Variants in PRR14L observed in about 807,000 individuals in gnomAD.
PRR14L encodes protein PRR14L.
PRR14L carries 80 observed loss-of-function variants against 155.0 expected under a neutral mutation model. That is an observed-to-expected ratio of 0.52 (90% CI 0.43 to 0.62). The LOEUF is 0.62. Ranked by LOEUF, PRR14L falls within the 20% of genes least tolerant of loss-of-function variation. The pLI is 0.00. For synonymous variants in PRR14L, 883 were observed against 916.0 expected (o/e 0.96, Z 0.65); for missense variants, 2,469 against 2,548.0 (o/e 0.97, Z 0.67).
intron 7 of PRR14L, 43 bp from the exon 8 acceptor site, chr22:31,688,270 CTTTT>C (rs371441167): frequency 1.5e-6 from 2 of 1,345,878 alleles, no homozygotes; most frequent in Admixed American, 2.7e-5. Flanking sequence ...TTCTCTCTCT[CTTTT>C]TTTTTTCAGA....
chr22:31,725,684 T>C, intron 2 of PRR14L, 74 bp from the exon 3 acceptor site: 1 of 939,668 alleles, frequency 1.1e-6, no homozygotes, highest in Non-Finnish European at 1.6e-6. Flanking sequence ...ATTATTATTA[T>C]TTTTTGAGAC....
At chr22:31,734,666 C>T (rs1004426400) in intron 2 of PRR14L, among the ~76,000 whole-genome samples, 2 of 152,210 alleles carry the variant, frequency 1.3e-5, no homozygotes, top group Non-Finnish European at 2.9e-5. Flanking sequence ...GCTTCTCTCA[C>T]GTCTCTTGAC....
intron 3 of PRR14L, among the ~76,000 whole-genome samples, chr22:31,719,664 G>C (rs131228): frequency 0.1 from 15,824 of 151,792 alleles, 1,056 homozygotes; most frequent in African/African-American, 0.18. Flanking sequence ...TAGGTCCTGA[G>C]AGCAGCAATT....
rs1285063026 is a variant in PRR14L, at chr22:31,685,664, C to G, written c.6319G>C (p.Val2107Leu). 20 of 1,551,740 alleles carry G rather than the reference C, an allele frequency of 1.3e-5. No individual in the cohort carries two copies. In the East Asian group the frequency reaches 4.9e-4, roughly 38 times the overall value. Residue 2107 changes from valine (V) to leucine (L), a missense_variant, in exon 9 of 9, where the codon GTG becomes CTG. Transcript: ENST00000327423. Reference protein sequence around the residue: ...RKRRARGKVKVAGSFTRAQKA... With the variant: ...RKRRARGKVKLAGSFTRAQKA... ...TGGGCCCTGGTAAAGCTGCCTGCCA[C>G]CTTGACTTTGCCTCGAGCTCTCCTC...
chr22:31,746,461 T>C (rs1440302685), intron 1 of PRR14L, among the ~76,000 whole-genome samples: 6 of 152,204 alleles, frequency 3.9e-5, no homozygotes, highest in East Asian at 1.9e-4. Flanking sequence ...TTATAAAATG[T>C]AGACAGGGAT....
chr22:31,710,343 T>G (rs2074614185), intron 4 of PRR14L, among the ~76,000 whole-genome samples: 1 of 152,238 alleles, frequency 6.6e-6, no homozygotes, highest in Non-Finnish European at 1.5e-5. Flanking sequence ...TTTTATTTGA[T>G]GTCTAATTTG....
chr22:31,747,693 G>A (rs2074846741), intron 1 of PRR14L, among the ~76,000 whole-genome samples: 1 of 151,252 alleles, frequency 6.6e-6, no homozygotes. Context: ...AATCCCCTCT[G>A]CAATTACTCA....
At chr22:31,725,765 T>C (rs2074713498) in intron 2 of PRR14L, among the ~76,000 whole-genome samples, 155 bp from the exon 3 acceptor site, 1 of 152,044 alleles carries the variant, frequency 6.6e-6, no homozygotes, top group Non-Finnish European at 1.5e-5. Flanking sequence ...ACCTCCAAGG[T>C]TCAAGGTATT....
intron 2 of PRR14L, among the ~76,000 whole-genome samples, chr22:31,735,251 A>G (rs2147874268): frequency 6.6e-6 from 1 of 152,260 alleles, no homozygotes; most frequent in African/African-American, 2.4e-5. Context: ...CATCCTGGCT[A>G]ACACGGTGAA....
intron 3 of PRR14L, among the ~76,000 whole-genome samples, chr22:31,719,465 A>G (rs888333347): frequency 5.9e-5 from 9 of 152,112 alleles, no homozygotes; most frequent in South Asian, 4.1e-4. Flanking sequence ...AATTCTTACT[A>G]GAATGTAAAC....
chr22:31,720,267 T>C (rs906494411), intron 3 of PRR14L, among the ~76,000 whole-genome samples: 1 of 152,184 alleles, frequency 6.6e-6, no homozygotes, highest in African/African-American at 2.4e-5. Context: ...TTTAAAATGT[T>C]TGGAGTCAGC....
intron 7 of PRR14L, among the ~76,000 whole-genome samples, chr22:31,700,972 G>C (rs2074560079): frequency 1.3e-5 from 2 of 151,112 alleles, no homozygotes; most frequent in South Asian, 4.2e-4. Context: ...TCGATCAGAA[G>C]AAAATATAAG....
At position 31,715,902 on chromosome 22, in the gene PRR14L, A is replaced by G; in HGVS notation, c.1937T>C (p.Val646Ala). 1 of 1,551,618 alleles carries G rather than the reference A, an allele frequency of 6.4e-7. No homozygotes were observed. The highest frequency in any genetic ancestry group is 8.7e-7 in the Non-Finnish European group (1 of 1,146,866). ...TTGATTTAAAACACATTCACTTTCT[A>G]CTTTGTTTACAACCAGTTCATTGGT... ...SCTNELVVNK[V>A]ESECVLNQQV... Residue 646 changes from valine (V) to alanine (A), a missense_variant, in exon 4 of 9, where the codon GTA (valine) becomes GCA (alanine). Val to Ala is a moderately conservative substitution (Grantham distance 64, BLOSUM62 0). Coordinates refer to ENST00000327423, the MANE Select transcript of PRR14L (RefSeq NM_173566.3).
intron 1 of PRR14L, among the ~76,000 whole-genome samples, chr22:31,740,568 C>T (rs2074807389): frequency 6.6e-6 from 1 of 151,730 alleles, no homozygotes; most frequent in South Asian, 2.1e-4. Context: ...GATATGTTGT[C>T]CAGGCTCGTC....
intron 2 of PRR14L, among the ~76,000 whole-genome samples, chr22:31,737,938 C>A (rs886872140): frequency 9.2e-5 from 14 of 151,854 alleles, no homozygotes; most frequent in Non-Finnish European, 2.1e-4. Flanking sequence ...TCACTTGAAC[C>A]CAGAAGGCAG....
At position 31,713,339 on chromosome 22, in the gene PRR14L, AGAG is replaced by A. The variant is rs2074634611; in HGVS notation, c.4497_4499del (p.Ser1500del). The stretch of plus-strand genomic sequence containing the variant: ...CACCATGTATTTGATCACACCCAGC[AGAG>A]GAGGGGTCTTGTGCTTTCCGAGGGG... On this transcript the variant is annotated inframe_deletion, in exon 4 of 9. Coordinates refer to ENST00000327423, the MANE Select transcript of PRR14L (RefSeq NM_173566.3). 2 of 1,552,180 alleles carry A rather than the reference AGAG, an allele frequency of 1.3e-6. No individual in the cohort carries two copies. The highest frequency in any genetic ancestry group is 1.4e-5 in the African/African-American group (1 of 73,060).
chr22:31,709,420 A>AT (rs2074608810), intron 4 of PRR14L, among the ~76,000 whole-genome samples: 1 of 141,404 alleles, frequency 7.1e-6, no homozygotes, highest in African/African-American at 2.7e-5. Context: ...CCCAGCTAAA[A>AT]TTTTTTTGTA....
intron 5 of PRR14L, 31 bp from the exon 6 acceptor site, chr22:31,703,752 AGGGGT>A: frequency 2.9e-6 from 4 of 1,363,546 alleles, no homozygotes; most frequent in Non-Finnish European, 3.9e-6. Context: ...AAGATATGAG[AGGGGT>A]TCCCTTTCTA....
At position 31,714,871 on chromosome 22, in the gene PRR14L, T is replaced by C; in HGVS notation, c.2968A>G (p.Lys990Glu). 6.4e-7 allele frequency: 1 copy of C among 1,552,000 alleles called. No individual in the cohort carries two copies. Among genetic ancestry groups the C allele is most frequent in the Non-Finnish European group, 8.7e-7 (1 of 1,147,058 alleles). ...DECKSEGQSA[K>E]EMLSSDQRET... The stretch of plus-strand genomic sequence containing the variant: ...CTCTGGTCACTACTTAGCATCTCCT[T>C]GGCTGACTGACCTTCACTTTTGCAT... The change falls in exon 4 of 9, where the codon AAG (lysine) becomes GAG (glutamate). Residue 990 changes from lysine to glutamate, a missense_variant. By Grantham distance (56) the Lys-to-Glu change is moderately conservative (BLOSUM62 1). Around this residue, in one of 2 missense-constraint regions of PRR14L, gnomAD observed 2,363 missense variants for 2,371.6 expected, o/e 1.00. Transcript: ENST00000327423.
Sources: gnomAD v4.1 joint callset for allele counts (sites outside exome capture counted in the v4.1 genomes callset) on GRCh38, gnomAD v4.1.1 for gene constraint, gnomAD v4.1.1 regional missense constraint, MANE v1.5 for transcripts, NCBI Gene and HGNC (gene_info 2026-07-23, HGNC 2026-07-21) for gene names.